TPRG1: variants seen among roughly 807,000 people sequenced by gnomAD.
The protein encoded by TPRG1 is tumor protein p63 regulated 1.
A neutral mutation model predicts 29.3 loss-of-function variants in TPRG1; 29 were observed. That is an observed-to-expected ratio of 0.99 (90% confidence interval 0.74 to 1.35). The LOEUF is 1.35. Among genes scored for constraint, TPRG1 ranks in the 40% most tolerant of loss-of-function variants. The pLI is 0.00. For missense variants in TPRG1, 327 were observed against 335.0 expected (o/e 0.98, Z 0.19); for synonymous variants, 130 against 116.8 (o/e 1.11, Z -0.73).
chr3:189,305,805 ACTATTACAAAC>A (rs1319445082), intron 4 of TPRG1, among the ~76,000 whole-genome samples: 1 of 152,184 alleles, frequency 6.6e-6, no homozygotes, highest in African/African-American at 2.4e-5. Context: ...AACATCCATG[ACTATTACAAAC>A]CTTCTTCCAC....
At chr3:189,199,277 A>G (rs1733062636) in intron 1 of TPRG1, among the ~76,000 whole-genome samples, 1 of 152,234 alleles carries the variant, frequency 6.6e-6, no homozygotes. Context: ...TTGGAGTCAC[A>G]TGATGATATG....
chr3:189,103,981 T>G (rs1719510584), intron 1 of TPRG1, among the ~76,000 whole-genome samples: 1 of 152,130 alleles, frequency 6.6e-6, no homozygotes, highest in South Asian at 2.1e-4. Context: ...AGTTTACCAT[T>G]GATGTGGTCA....
rs556906092 is a variant in TPRG1, at chr3:189,072,186, A to G, written c.-463+48240A>G. Among the ~76,000 whole-genome samples, 4 of 152,284 alleles carry G rather than the reference A, an allele frequency of 2.6e-5. No homozygotes were observed. In the East Asian group the frequency reaches 7.7e-4, roughly 29 times the overall value. On this transcript the variant is annotated intron_variant, in intron 4 of 10. Coordinates refer to the TPRG1 transcript ENST00000433971. ...ATTTAAGGATTTCCCTTCTTTCATC[A>G]ATGTCTTGAAGCAATTTAACATTCA...
At chr3:189,089,114 A>G (rs554518870) in intron 4 of TPRG1, among the ~76,000 whole-genome samples, 50 of 152,304 alleles carry the variant, frequency 3.3e-4, no homozygotes, top group African/African-American at 1.1e-3. Flanking sequence ...TTGAATGATT[A>G]CAGGACTAAC....
intron 1 of TPRG1, among the ~76,000 whole-genome samples, chr3:189,197,869 A>T (rs957710647): frequency 3.9e-5 from 6 of 152,236 alleles, no homozygotes; most frequent in Non-Finnish European, 5.9e-5. Context: ...ACACAATGTG[A>T]CAAACCTCCC....
chr3:189,108,181 C>T (rs1472068598), intron 1 of TPRG1, among the ~76,000 whole-genome samples: 1 of 152,086 alleles, frequency 6.6e-6, no homozygotes, highest in Non-Finnish European at 1.5e-5. Context: ...ACAGTATGCC[C>T]AAGCTTCCTT....
intron 3 of TPRG1, among the ~76,000 whole-genome samples, chr3:189,223,226 A>T (rs1478024990): frequency 6.6e-6 from 1 of 152,172 alleles, no homozygotes; most frequent in Non-Finnish European, 1.5e-5. Context: ...CCCTTGGCTG[A>T]TACTAGCAGG....
At chr3:189,107,989 T>C (rs1720026554) in intron 1 of TPRG1, among the ~76,000 whole-genome samples, 2 of 152,140 alleles carry the variant, frequency 1.3e-5, no homozygotes, top group Non-Finnish European at 2.9e-5. Flanking sequence ...ACCAACTCTT[T>C]GAATTCCCTG....
intron 5 of TPRG1, among the ~76,000 whole-genome samples, chr3:189,316,104 C>T (rs1401569099): frequency 2.0e-5 from 3 of 152,096 alleles, no homozygotes; most frequent in Non-Finnish European, 4.4e-5. Context: ...TTAAAGTGCA[C>T]TTGTGTGTGT....
At chr3:189,064,161 A>G (rs960200934) in intron 4 of TPRG1, among the ~76,000 whole-genome samples, 2 of 152,212 alleles carry the variant, frequency 1.3e-5, no homozygotes, top group Admixed American at 6.5e-5. Flanking sequence ...GGGATATAGT[A>G]TCCGTAGGAC....
At chr3:189,174,354 T>G (rs1180233477) in intron 1 of TPRG1, among the ~76,000 whole-genome samples, 2 of 152,204 alleles carry the variant, frequency 1.3e-5, no homozygotes, top group African/African-American at 2.4e-5. Flanking sequence ...CTGATAATAA[T>G]GGACCCACAT....
intron 4 of TPRG1, among the ~76,000 whole-genome samples, chr3:189,056,076 C>CCTTT (rs1715669513): frequency 7.9e-6 from 1 of 126,990 alleles, no homozygotes; most frequent in Non-Finnish European, 1.6e-5. Context: ...TTCCTTCCTT[C>CCTTT]CTTCCTTCCT....
intron 1 of TPRG1, among the ~76,000 whole-genome samples, chr3:189,118,401 A>G (rs537234916): frequency 6.6e-6 from 1 of 152,138 alleles, no homozygotes; most frequent in South Asian, 2.1e-4. Context: ...AGAAAAGAAA[A>G]CCCCATTTTC....
chr3:189,280,994 C>T (rs1241525190), intron 4 of TPRG1, among the ~76,000 whole-genome samples: 1 of 152,114 alleles, frequency 6.6e-6, no homozygotes, highest in Non-Finnish European at 1.5e-5. Flanking sequence ...GGCAAGCTCT[C>T]CTACATGTCA....
rs527712345 is a variant in TPRG1 at position 189,226,739 on chromosome 3, A to T, written c.302+11356A>T. Among the ~76,000 whole-genome samples, 8 of 151,624 alleles carry T rather than the reference A, an allele frequency of 5.3e-5. No homozygotes were observed. In the South Asian group the frequency reaches 1.7e-3, roughly 31 times the overall value. On this transcript the variant is annotated intron_variant, in intron 3 of 5. Transcript: ENST00000345063. ...AAAGAACTATAGAAAAAATTAACAA[A>T]ACAAAAAGTTGGCTCTCTGAAAGGA...
At chr3:189,299,736 C>G (rs570761978) in intron 4 of TPRG1, among the ~76,000 whole-genome samples, 1 of 151,574 alleles carries the variant, frequency 6.6e-6, no homozygotes, top group South Asian at 2.1e-4. Context: ...ATTTAGACAT[C>G]GACCCTATTC....
intron 4 of TPRG1, among the ~76,000 whole-genome samples, chr3:189,056,037 CT>C (rs1715660567): frequency 1.9e-5 from 1 of 51,860 alleles, no homozygotes; most frequent in Non-Finnish European, 4.2e-5. Context: ...CCCTCCCTTC[CT>C]TCCTTCCTTC....
intron 4 of TPRG1, among the ~76,000 whole-genome samples, chr3:189,260,824 G>C (rs1398540528): frequency 1.3e-5 from 2 of 152,134 alleles, no homozygotes; most frequent in African/African-American, 4.8e-5. Flanking sequence ...GTGGAGGGAG[G>C]AAGGAGGGCA....
intron 4 of TPRG1, among the ~76,000 whole-genome samples, chr3:189,306,347 A>G (rs1478040277): frequency 6.6e-6 from 1 of 152,186 alleles, no homozygotes; most frequent in Non-Finnish European, 1.5e-5. Flanking sequence ...ATGGATTTAG[A>G]TTCAAGTAGA....
Sources: gnomAD v4.1 joint callset for allele counts (sites outside exome capture counted in the v4.1 genomes callset) on GRCh38, gnomAD v4.1.1 for gene constraint, MANE v1.5 for transcripts, NCBI Gene and HGNC (gene_info 2026-07-23, HGNC 2026-07-21) for gene names.